Variants in PTPRU observed in about 807,000 individuals in gnomAD.
PTPRU encodes receptor-type tyrosine-protein phosphatase U.
A neutral mutation model predicts 166.3 loss-of-function variants in PTPRU; 69 were observed. The ratio of observed to expected loss-of-function variants is 0.41; its 90% CI spans 0.34 to 0.51. The LOEUF is 0.51. PTPRU is among the 20% of genes least tolerant of loss of function. PTPRU has a pLI of 0.09. For synonymous variants in PTPRU, 793 were observed against 814.0 expected, an observed-to-expected ratio of 0.97 and a Z score of 0.44; for missense variants, 1,657 against 2,013.7, an observed-to-expected ratio of 0.82 and a Z score of 3.39.
At position 29,315,319 on chromosome 1, in the gene PTPRU, C is replaced by A. The variant is rs1574720041; in HGVS notation, c.3228-53C>A. ...GCCCTCCTCTCTTCTTCTCCTTAGTCCCGGGCTTCCTCCCCAAAGCTCTGA... is the reference window on the plus strand; with the variant it reads ...GCCCTCCTCTCTTCTTCTCCTTAGTACCGGGCTTCCTCCCCAAAGCTCTGA... On this transcript the variant is annotated intron_variant, in intron 22 of 29. Transcript: ENST00000373779. The surrounding 1 kb of genome is among the most constrained non-coding windows in gnomAD (Gnocchi z 4.5). 3 of 1,609,484 alleles carry A rather than the reference C, an allele frequency of 1.9e-6. No homozygotes were observed. In the African/African-American group the frequency reaches 4.0e-5, roughly 21 times the overall value.
chr1:29,314,719 A>G (rs943315601), intron 22 of PTPRU, among the ~76,000 whole-genome samples: 1 of 152,020 alleles, frequency 6.6e-6, no homozygotes, highest in African/African-American at 2.4e-5. Flanking sequence ...CTGGAATTAC[A>G]GGCACGTGCC....
intron 29 of PTPRU, 134 bp downstream of exon 29, chr1:29,325,460 T>A: frequency 3.3e-6 from 5 of 1,501,776 alleles, no homozygotes; most frequent in Admixed American, 1.7e-5. Flanking sequence ...CCTAAAACAT[T>A]ACCCCCATTT....
intron 15 of PTPRU, among the ~76,000 whole-genome samples, chr1:29,296,410 G>A (rs1377427674): frequency 6.6e-6 from 1 of 151,714 alleles, no homozygotes; most frequent in East Asian, 1.9e-4. Flanking sequence ...TCTGCTAATG[G>A]GATGAGTGAC....
chr1:29,236,728 G>A lies in PTPRU; in HGVS notation c.73+11G>A. 2 of 1,425,666 alleles carry A rather than the reference G, an allele frequency of 1.4e-6. No homozygotes were observed. The highest frequency in any genetic ancestry group is 1.8e-6 in the Non-Finnish European group (2 of 1,092,392). 88.3% of individuals were successfully genotyped at this position (1,425,666 alleles called of 1,614,324 possible). On this transcript the variant is annotated intron_variant, in intron 1 of 29. Coordinates refer to ENST00000373779, the MANE Select transcript of PTPRU (RefSeq NM_133178.4). This position sits in a 1 kb window ranked among gnomAD's most constrained non-coding sequence, Gnocchi z 4.6. Reference sequence around the variant, plus strand: ...CCGAGACTCCGGCAGGTAAGCGCGCGGCGGCCGGACCGAGCCTGCCCCGCC... The same window carrying A: ...CCGAGACTCCGGCAGGTAAGCGCGCAGCGGCCGGACCGAGCCTGCCCCGCC...
At chr1:29,277,627 G>A (rs973601558) in intron 8 of PTPRU, among the ~76,000 whole-genome samples, 4 of 151,954 alleles carry the variant, frequency 2.6e-5, no homozygotes, top group Non-Finnish European at 5.9e-5. Context: ...TTAGCCCTTA[G>A]CACATTCAAG....
chr1:29,272,490 T>C (rs1043842472), intron 7 of PTPRU, among the ~76,000 whole-genome samples: 5 of 152,220 alleles, frequency 3.3e-5, no homozygotes, highest in African/African-American at 1.2e-4. Flanking sequence ...TATTGTGCTG[T>C]ACATGGGGCC....
Position 29,271,785 on chromosome 1 carries a change from A to G in PTPRU, c.1145-3663A>G, listed in dbSNP as rs1037141376. Among the ~76,000 whole-genome samples the G allele has an allele frequency of 5.9e-5, 9 of 152,156 alleles. No homozygotes were observed. The highest frequency in any genetic ancestry group is 1.9e-4 in the African/African-American group (8 of 41,416). Reference sequence around the variant, plus strand: ...TACCCAGCATACGTCCCCCGTTTACATGGAACTTCTCCTGCCCTTCTGTAA... The same window carrying G: ...TACCCAGCATACGTCCCCCGTTTACGTGGAACTTCTCCTGCCCTTCTGTAA... On this transcript the variant is annotated intron_variant, in intron 7 of 29. Transcript: ENST00000373779. The surrounding 1 kb of genome is among the most constrained non-coding windows in gnomAD (Gnocchi z 4.4).
In PTPRU at chr1:29,279,547, A is replaced by G. The variant is rs1685964654; in HGVS notation, c.1655A>G (p.His552Arg). The G allele has an allele frequency of 2.5e-6, 4 of 1,613,986 alleles. No individual in the cohort carries two copies. Among genetic ancestry groups the G allele is most frequent in the Non-Finnish European group, 3.4e-6 (4 of 1,179,974 alleles). ...TCCAAGCTCCGCAATGAGACCTACC[A>G]TGTCTTCTCCAACCTGCACCCAGGC... ...TISKLRNETY[H>R]VFSNLHPGTT... The change falls in exon 10 of 30, where the codon CAT becomes CGT. Residue 552 changes from histidine to arginine, a missense_variant. By Grantham distance (29) the His-to-Arg change is conservative (BLOSUM62 0). Coordinates refer to ENST00000373779, the MANE Select transcript of PTPRU (RefSeq NM_133178.4). The surrounding 1 kb of genome is among the most constrained non-coding windows in gnomAD (Gnocchi z 5.2).
intron 15 of PTPRU, among the ~76,000 whole-genome samples, chr1:29,302,151 A>ATG (rs138316498): frequency 0.19 from 26,730 of 142,114 alleles, 2,376 homozygotes; most frequent in Middle Eastern, 0.27. Context: ...GCTAATGTGT[A>ATG]TGTGTGTGTG....
chr1:29,320,986 A>G lies in PTPRU; in HGVS notation c.3828+161A>G, dbSNP rs544353493. On this transcript the variant is annotated intron_variant, in intron 26 of 29. Coordinates refer to ENST00000373779, the MANE Select transcript of PTPRU (RefSeq NM_133178.4). This position sits in a 1 kb window ranked among gnomAD's most constrained non-coding sequence, Gnocchi z 5.2. ...CCAGAGCCTCAGTTTCTTCATCTGT[A>G]AAACAAGGGTGTCAGATGGGAGATC... 1.3e-5 allele frequency among the ~76,000 whole-genome samples: 2 copies of G among 152,208 alleles called. No individual in the cohort carries two copies. Among genetic ancestry groups the G allele is most frequent in the Non-Finnish European group, 2.9e-5 (2 of 68,030 alleles).
intron 1 of PTPRU, among the ~76,000 whole-genome samples, chr1:29,246,151 A>G (rs1684287487): frequency 6.6e-6 from 1 of 152,216 alleles, no homozygotes; most frequent in Non-Finnish European, 1.5e-5. Flanking sequence ...TGCCCCATAT[A>G]GCACTTCTGT....
rs181955404 is a variant in PTPRU, at chr1:29,288,820, G to C, written c.2319-3049G>C. On this transcript the variant is annotated intron_variant, in intron 14 of 29. Coordinates refer to ENST00000373779, the MANE Select transcript of PTPRU (RefSeq NM_133178.4). ...GGACTCTGCCACTGACCCCCAGAGAGGCCCAGGTAGCCCATGCTCCCTGAC... is the reference window on the plus strand; with the variant it reads ...GGACTCTGCCACTGACCCCCAGAGACGCCCAGGTAGCCCATGCTCCCTGAC... 2.6e-5 allele frequency among the ~76,000 whole-genome samples: 4 copies of C among 152,280 alleles called. No individual in the cohort carries two copies. The East Asian group carries it at 7.7e-4, about 29-fold the overall frequency.
At chr1:29,307,605 C>T (rs1687451703) in intron 18 of PTPRU, among the ~76,000 whole-genome samples, 1 of 152,240 alleles carries the variant, frequency 6.6e-6, no homozygotes, top group Admixed American at 6.5e-5. Context: ...AGGTCAGCCT[C>T]CTAAAACTAC....
intron 7 of PTPRU, among the ~76,000 whole-genome samples, chr1:29,261,615 C>T (rs749118805): frequency 3.4e-4 from 52 of 152,240 alleles, no homozygotes; most frequent in South Asian, 6.2e-4. Context: ...CTGCAACCTC[C>T]GCCTCCTGGG....
chr1:29,252,664 T>G (rs1423541225), intron 1 of PTPRU, among the ~76,000 whole-genome samples: 2 of 152,282 alleles, frequency 1.3e-5, no homozygotes, highest in East Asian at 3.9e-4. Context: ...AAAAGTGAAG[T>G]CGCTTGCTGC....
At chr1:29,284,675 G>A in intron 13 of PTPRU, 56 bp from the exon 14 acceptor site, 1 of 1,612,996 alleles carries the variant, frequency 6.2e-7, no homozygotes, top group Non-Finnish European at 8.5e-7. Flanking sequence ...CCTACAGGAG[G>A]GGCTCGATGG....
In PTPRU at chr1:29,275,741, C is replaced by T. The variant is rs1195964957; in HGVS notation, c.1438C>T (p.Gln480Ter). The T allele has an allele frequency of 6.2e-7, 1 of 1,614,098 alleles. No individual in the cohort carries two copies. The highest frequency in any genetic ancestry group is 1.1e-5 in the South Asian group (1 of 91,052). Residue 480 changes from glutamine (Q) to a stop codon, truncating the protein, a stop_gained, in exon 8 of 30, where the codon CAG becomes TAG. Transcript: ENST00000373779. LOFTEE classifies it high-confidence loss of function. ...CAAAGAGGGCAAGGAGGTCACTTTC[C>T]AGACGGATGAGGATGGTAAGAGTCT... ...GRKEGKEVTFQTDEDVPSGIA... is the reference protein window; with the variant it reads ...GRKEGKEVTF
rs1188687199 is a variant in PTPRU at position 29,237,802 on chromosome 1, C to T, written c.73+1085C>T. On this transcript the variant is annotated intron_variant, in intron 1 of 29. Coordinates refer to ENST00000373779, the MANE Select transcript of PTPRU (RefSeq NM_133178.4). This position sits in a 1 kb window ranked among gnomAD's most constrained non-coding sequence, Gnocchi z 6.4. Reference sequence around the variant, plus strand: ...GGGCCAGCGGGCCCCAGCGAGGGGCCGGCGGGCGGGCAGGGGAGGGCCGGA... The same window carrying T: ...GGGCCAGCGGGCCCCAGCGAGGGGCTGGCGGGCGGGCAGGGGAGGGCCGGA... 1.4e-5 allele frequency among the ~76,000 whole-genome samples: 2 copies of T among 146,296 alleles called. No individual in the cohort carries two copies. The highest frequency in any genetic ancestry group is 1.4e-4 in the Admixed American group (2 of 14,740).
At chr1:29,265,501 T>C (rs985740769) in intron 7 of PTPRU, among the ~76,000 whole-genome samples, 9 of 152,066 alleles carry the variant, frequency 5.9e-5, no homozygotes, top group African/African-American at 2.2e-4. Context: ...TAGCTGGGAT[T>C]ACAGGCACAC....
Sources: allele counts gnomAD v4.1 joint callset (sites outside exome capture counted in the v4.1 genomes callset), GRCh38; gene constraint gnomAD v4.1.1; non-coding constraint Gnocchi (gnomAD v3.1); transcripts MANE v1.5; gene names NCBI Gene and HGNC (gene_info 2026-07-23, HGNC 2026-07-21).